The following RASGRF2 variants were observed in gnomAD, a reference collection of about 807,000 sequenced individuals.
RASGRF2 encodes Ras protein specific guanine nucleotide releasing factor 2.
A neutral mutation model predicts 151.0 loss-of-function variants in RASGRF2; 76 were observed. The ratio of observed to expected loss-of-function variants is 0.50; its 90% confidence interval spans 0.42 to 0.61. The LOEUF is 0.61. Ranked by LOEUF, RASGRF2 falls within the 20% of genes least tolerant of loss-of-function variation. The probability of loss-of-function intolerance (pLI) is 0.00; values close to 1 mark genes in which losing one functional copy is unlikely to be tolerated. For synonymous variants in RASGRF2, 504 were observed against 566.5 expected (o/e 0.89, Z 1.57); for missense variants, 1,148 against 1,564.6 (o/e 0.73, Z 4.49).
chr5:81,050,422 G>T (rs1750973656), intron 2 of RASGRF2, among the ~76,000 whole-genome samples: 1 of 152,166 alleles, frequency 6.6e-6, no homozygotes, highest in African/African-American at 2.4e-5. Context: ...TTTAAGAAGA[G>T]AAAATATTCA....
chr5:81,194,585 G>T (rs1755220818), intron 18 of RASGRF2, among the ~76,000 whole-genome samples: 1 of 152,126 alleles, frequency 6.6e-6, no homozygotes, highest in Non-Finnish European at 1.5e-5. Flanking sequence ...ATCATCGGTG[G>T]ACAGTGTTTT....
In RASGRF2 at chr5:81,085,890, C is replaced by T. The variant is rs1752215833; in HGVS notation, c.1250C>T (p.Ser417Leu). The change falls in exon 8 of 27, where the codon TCA becomes TTA. Residue 417 changes from serine (S) to leucine (L), a missense_variant. Around this residue, in one of 5 missense-constraint regions of RASGRF2, gnomAD observed 176 missense variants for 309.6 expected, o/e 0.57. Coordinates refer to ENST00000265080, the MANE Select transcript of RASGRF2 (RefSeq NM_006909.3). ...VERKSLEFAK[S>L]KLEELSRVMH... is the part of the protein sequence containing the mutation. ...AGGAAAAGCCTGGAGTTTGCCAAAT[C>T]AAAGCTAGAGGAACTATCCAGGTAT... The T allele has an allele frequency of 8.1e-6, 13 of 1,613,958 alleles. No homozygotes were observed. The highest frequency in any genetic ancestry group is 1.3e-5 in the African/African-American group (1 of 74,916).
chr5:80,969,941 C>A (rs1176174906), intron 1 of RASGRF2, among the ~76,000 whole-genome samples: 3 of 150,358 alleles, frequency 2.0e-5, no homozygotes, highest in Non-Finnish European at 4.4e-5. Flanking sequence ...ATTCTCCTGC[C>A]TCAGCCTCTC....
chr5:81,177,527 T>C (rs1388031051), intron 17 of RASGRF2, among the ~76,000 whole-genome samples: 1 of 151,760 alleles, frequency 6.6e-6, no homozygotes, highest in African/African-American at 2.4e-5. Flanking sequence ...TCATACTATG[T>C]AGGCTTTCAT....
At chr5:81,207,411 T>C in intron 21 of RASGRF2, 62 bp downstream of exon 21, 2 of 1,401,302 alleles carry the variant, frequency 1.4e-6, no homozygotes, top group Admixed American at 3.5e-5. Flanking sequence ...AAGTTGACAT[T>C]ATTCCTAAGG....
intron 26 of RASGRF2, chr5:81,223,300 G>A (rs895370497): frequency 2.0e-5 from 3 of 152,186 alleles, no homozygotes; most frequent in African/African-American, 7.2e-5. Context: ...AATAGTAAAG[G>A]AGAGTGTTCC....
At chr5:81,184,252 C>T (rs1276500908) in intron 18 of RASGRF2, among the ~76,000 whole-genome samples, 1 of 152,206 alleles carries the variant, frequency 6.6e-6, no homozygotes, top group Non-Finnish European at 1.5e-5. Flanking sequence ...TCTTGAGCAT[C>T]TCCTGCTGGG....
chr5:81,213,272 C>T (rs1481397235), intron 23 of RASGRF2, among the ~76,000 whole-genome samples: 2 of 152,128 alleles, frequency 1.3e-5, no homozygotes, highest in Non-Finnish European at 2.9e-5. Flanking sequence ...TGTCACCTGG[C>T]CTGCTTGCCC....
Position 81,086,874 on chromosome 5 carries a change from G to A in RASGRF2, c.1311G>A (p.Arg437=). Residue 437 remains arginine (R), a synonymous_variant, in exon 9 of 27, where the codon AGG becomes AGA. Coordinates refer to ENST00000265080, the MANE Select transcript of RASGRF2 (RefSeq NM_006909.3). ...HDEVSDTENI[R]KNLAIERMIV... is the part of the protein sequence containing the mutation. ...AAGTCAGCGACACTGAAAACATAAG[G>A]AAAAACCTTGCCATCGAAAGAATGA... 6.2e-7 allele frequency: 1 copy of A among 1,614,184 alleles called. No individual in the cohort carries two copies. Among genetic ancestry groups the A allele is most frequent in the Non-Finnish European group, 8.5e-7 (1 of 1,180,016 alleles).
chr5:81,036,402 T>A (rs1750494783), intron 1 of RASGRF2, among the ~76,000 whole-genome samples: 1 of 152,106 alleles, frequency 6.6e-6, no homozygotes, highest in Non-Finnish European at 1.5e-5. Flanking sequence ...GGAAATATTG[T>A]TATTAATTCT....
intron 2 of RASGRF2, among the ~76,000 whole-genome samples, chr5:81,049,915 A>G (rs77092265): frequency 6.6e-6 from 1 of 152,164 alleles, no homozygotes; most frequent in African/African-American, 2.4e-5. Context: ...TCTATATATC[A>G]TCTCTCCCTG....
chr5:81,046,412 C>G, intron 2 of RASGRF2, among the ~76,000 whole-genome samples: 1 of 152,070 alleles, frequency 6.6e-6, no homozygotes, highest in East Asian at 1.9e-4. Context: ...TTGGAATTAA[C>G]ATTTTTCATT....
At chr5:81,219,542 G>A (rs936754451) in intron 25 of RASGRF2, 168 bp from the exon 26 acceptor site, 1 of 531,862 alleles carries the variant, frequency 1.9e-6, no homozygotes. Flanking sequence ...CTCCTTGAGA[G>A]TCAAGAAAGC....
intron 1 of RASGRF2, among the ~76,000 whole-genome samples, chr5:81,026,278 C>G (rs1421294511): frequency 6.6e-6 from 1 of 151,024 alleles, no homozygotes; most frequent in East Asian, 2.0e-4. Context: ...TCCTCTCAGG[C>G]CTCTGTTCTT....
chr5:81,201,396 C>T lies in RASGRF2; in HGVS notation c.2860C>T (p.Pro954Ser). 1 of 1,613,740 alleles carries T rather than the reference C, an allele frequency of 6.2e-7. No homozygotes were observed. Among genetic ancestry groups the T allele is most frequent in the Admixed American group, 1.7e-5 (1 of 59,956 alleles). Residue 954 changes from proline (P) to serine (S), a missense_variant, in exon 19 of 27, where the codon CCA (proline) becomes TCA (serine). This residue lies in a region of RASGRF2 where 646 missense variants were observed against 807.4 expected (regional missense o/e 0.80). Transcript: ENST00000265080. ...TTTGCTAGAAGAAGTTTTGCGAGAC[C>T]CAGACCTTCTTCCCCAAGAAAGGAA... ...LNLLEEVLRDPDLLPQERKAA... is the reference protein window; with the variant it reads ...LNLLEEVLRDSDLLPQERKAA...
At chr5:81,184,800 AATTGGGCACC>A (rs1472376054) in intron 18 of RASGRF2, among the ~76,000 whole-genome samples, 1 of 152,210 alleles carries the variant, frequency 6.6e-6, no homozygotes, top group African/African-American at 2.4e-5. Context: ...CACTAATAAG[AATTGGGCACC>A]AGAATGTTCC....
chr5:80,987,264 G>T (rs936194149), intron 1 of RASGRF2, among the ~76,000 whole-genome samples: 1 of 152,174 alleles, frequency 6.6e-6, no homozygotes, highest in African/African-American at 2.4e-5. Context: ...GCTCCCATTT[G>T]TTGAGCACTG....
intron 23 of RASGRF2, among the ~76,000 whole-genome samples, chr5:81,214,749 G>A (rs1278842027): frequency 6.6e-6 from 1 of 152,156 alleles, no homozygotes; most frequent in African/African-American, 2.4e-5. Flanking sequence ...GCCCAGCCAC[G>A]CTGCCTGGAT....
At chr5:81,178,731 T>A (rs1229178318) in intron 17 of RASGRF2, among the ~76,000 whole-genome samples, 2 of 150,678 alleles carry the variant, frequency 1.3e-5, no homozygotes, top group Non-Finnish European at 1.5e-5. Context: ...GTTGAATCAG[T>A]GAGTATAGAC....
Sources: allele counts gnomAD v4.1 joint callset (sites outside exome capture counted in the v4.1 genomes callset), GRCh38; gene constraint gnomAD v4.1.1; regional missense constraint gnomAD v4.1.1; transcripts MANE v1.5; gene names NCBI Gene and HGNC (gene_info 2026-07-23, HGNC 2026-07-21).